The following TTC28 variants were observed in gnomAD, a reference collection of about 807,000 sequenced individuals.
TTC28 encodes the protein tetratricopeptide repeat domain 28.
Under a neutral mutation model 198.0 loss-of-function variants are expected in TTC28, and 61 were observed. The observed-to-expected ratio is 0.31, with a 90% confidence interval of 0.25 to 0.38. The LOEUF is 0.38. Among genes scored for constraint, TTC28 ranks in the 10% least tolerant of loss-of-function variants. The pLI is 1.00. For synonymous variants in TTC28, 1,171 were observed against 1,297.8 expected (o/e 0.90, Z 2.10); for missense variants, 2,678 against 3,164.0 (o/e 0.85, Z 3.69).
intron 2 of TTC28, among the ~76,000 whole-genome samples, chr22:28,472,123 C>T (rs2048103451): frequency 6.6e-6 from 1 of 152,080 alleles, no homozygotes; most frequent in African/African-American, 2.4e-5. Flanking sequence ...AACTAAGAAA[C>T]ACAAAAGAGC....
At chr22:28,611,495 C>CTTTTTT (rs373893099) in intron 2 of TTC28, among the ~76,000 whole-genome samples, 61,429 of 125,800 alleles carry the variant, frequency 0.49, 14,796 homozygotes, top group South Asian at 0.64. Context: ...AAATAAAAGC[C>CTTTTTT]TTTTTTTTAA....
intron 12 of TTC28, among the ~76,000 whole-genome samples, chr22:28,031,345 C>T (rs928806633): frequency 4.6e-5 from 7 of 152,176 alleles, no homozygotes; most frequent in African/African-American, 1.7e-4. Context: ...TGTGGAGATG[C>T]TTACTGATAC....
At chr22:28,269,351 T>C (rs1931900115) in intron 5 of TTC28, among the ~76,000 whole-genome samples, 19 of 152,154 alleles carry the variant, frequency 1.2e-4, no homozygotes, top group Admixed American at 1.2e-3. Flanking sequence ...ACTCTCTTTA[T>C]TTTACTTTTA....
chr22:28,360,906 G>T (rs572078377), intron 2 of TTC28, among the ~76,000 whole-genome samples: 2 of 152,018 alleles, frequency 1.3e-5, no homozygotes, highest in Non-Finnish European at 2.9e-5. Context: ...ATCTGTTATG[G>T]TGAACTACGA....
At chr22:28,381,650 T>C (rs574697038) in intron 2 of TTC28, among the ~76,000 whole-genome samples, 1 of 152,142 alleles carries the variant, frequency 6.6e-6, no homozygotes, top group Non-Finnish European at 1.5e-5. Context: ...GGTTTAAAAA[T>C]GTACTTTAAA....
chr22:28,271,773 T>C (rs1932091762), intron 5 of TTC28, among the ~76,000 whole-genome samples: 1 of 152,068 alleles, frequency 6.6e-6, no homozygotes, highest in Non-Finnish European at 1.5e-5. Context: ...TCCAGCTAAT[T>C]TTTGTATTTT....
In TTC28 at chr22:28,163,599, C is replaced by T. The variant is rs1278946607; in HGVS notation, c.934G>A (p.Ala312Thr). The T allele has an allele frequency of 6.6e-7, 1 of 1,522,880 alleles. No homozygotes were observed. Among genetic ancestry groups the T allele is most frequent in the Non-Finnish European group, 8.8e-7 (1 of 1,133,528 alleles). The allele number at this position is 1,522,880 out of a possible 1,614,324, so 94.3% of individuals were successfully genotyped here. The change falls in exon 6 of 23, where the codon GCA (alanine) becomes ACA (threonine). Residue 312 changes from alanine (A) to threonine (T), a missense_variant and splice_region_variant. By Grantham distance (58) the Ala-to-Thr change is moderately conservative (BLOSUM62 0). Transcript: ENST00000397906. Reference protein sequence around the residue: ...VLAMKLKDREAASSALSSLGH... With the variant: ...VLAMKLKDRETASSALSSLGH... Reference sequence around the variant, plus strand: ...AGACTGCTCAAGGCTGATGAAGCTGCCTGGAGAGAAAAGGATAAAGTGGAG... The same window carrying T: ...AGACTGCTCAAGGCTGATGAAGCTGTCTGGAGAGAAAAGGATAAAGTGGAG...
intron 2 of TTC28, among the ~76,000 whole-genome samples, chr22:28,476,930 C>A (rs1345692210): frequency 6.6e-6 from 1 of 152,018 alleles, no homozygotes; most frequent in African/African-American, 2.4e-5. Flanking sequence ...TAGTATGCAG[C>A]AATAAAAATA....
chr22:28,241,046 C>T (rs1336343721), intron 5 of TTC28, among the ~76,000 whole-genome samples: 1 of 152,038 alleles, frequency 6.6e-6, no homozygotes, highest in Non-Finnish European at 1.5e-5. Flanking sequence ...AATACCTCCC[C>T]ACAAATAACT....
chr22:28,101,335 C>T lies in TTC28; in HGVS notation c.3308-55G>A, dbSNP rs141231902. ...CATAGAAGATGGATAATTCCACTAT[C>T]CTAAGGAGTCCTGAAGGGTCATTTT... On this transcript the variant is annotated intron_variant, in intron 8 of 22. Coordinates refer to ENST00000397906, the MANE Select transcript of TTC28 (RefSeq NM_001145418.2). The T allele has an allele frequency of 2.6e-5, 36 of 1,369,124 alleles. No individual in the cohort carries two copies. In the African/African-American group the frequency reaches 4.3e-4, roughly 17 times the overall value. The allele number at this position is 1,369,124 out of a possible 1,614,324, so 84.8% of individuals were successfully genotyped here.
intron 2 of TTC28, among the ~76,000 whole-genome samples, chr22:28,558,264 G>T (rs546024262): frequency 6.6e-6 from 1 of 152,272 alleles, no homozygotes; most frequent in East Asian, 1.9e-4. Context: ...TAAGTAATTT[G>T]TTATTCAGAG....
intron 12 of TTC28, among the ~76,000 whole-genome samples, chr22:28,088,895 C>T (rs766605133): frequency 6.6e-6 from 1 of 152,148 alleles, no homozygotes; most frequent in Non-Finnish European, 1.5e-5. Context: ...TTTATGCAGC[C>T]AAAACACACG....
intron 2 of TTC28, among the ~76,000 whole-genome samples, chr22:28,383,697 G>A (rs73439808): frequency 1.2e-3 from 177 of 152,168 alleles, no homozygotes; most frequent in African/African-American, 4.0e-3. Context: ...TATCTAGAAC[G>A]CACCTTTTCA....
chr22:28,523,217 A>C (rs2048942563), intron 2 of TTC28, among the ~76,000 whole-genome samples: 1 of 152,246 alleles, frequency 6.6e-6, no homozygotes, highest in South Asian at 2.1e-4. Flanking sequence ...CATCAGTATC[A>C]AACTTTAACA....
intron 12 of TTC28, among the ~76,000 whole-genome samples, 181 bp downstream of exon 12, chr22:28,093,899 A>C (rs1432804356): frequency 6.6e-6 from 1 of 152,170 alleles, no homozygotes; most frequent in Non-Finnish European, 1.5e-5. Flanking sequence ...ATAAAGACAG[A>C]CCACTAAGGG....
At chr22:28,201,597 A>G (rs890482599) in intron 5 of TTC28, among the ~76,000 whole-genome samples, 1 of 152,114 alleles carries the variant, frequency 6.6e-6, no homozygotes, top group African/African-American at 2.4e-5. Context: ...ATGAAATGCA[A>G]CTTCAGTTGC....
intron 6 of TTC28, among the ~76,000 whole-genome samples, chr22:28,142,122 C>T (rs910593904): frequency 6.6e-6 from 1 of 152,178 alleles, no homozygotes; most frequent in East Asian, 1.9e-4. Flanking sequence ...AGACATTCTC[C>T]CTGGGAAGGT....
At chr22:28,558,612 T>C (rs1183663830) in intron 2 of TTC28, among the ~76,000 whole-genome samples, 2 of 151,602 alleles carry the variant, frequency 1.3e-5, no homozygotes, top group African/African-American at 4.9e-5. Context: ...GAGGCGGAGG[T>C]TGCAGTGAGC....
Position 28,450,945 on chromosome 22 carries a change from A to G in TTC28, c.382-144302T>C, listed in dbSNP as rs191757608. Among the ~76,000 whole-genome samples the G allele has an allele frequency of 2.0e-5, 3 of 152,230 alleles. No individual in the cohort carries two copies. In the East Asian group the frequency reaches 5.8e-4, roughly 29 times the overall value. On this transcript the variant is annotated intron_variant, in intron 2 of 22. Coordinates refer to ENST00000397906, the MANE Select transcript of TTC28 (RefSeq NM_001145418.2). ...GCACCTTCCAGACTACAGGGCAGGA[A>G]AGGGATCCCAAACAGAGCACGAGGA...
Sources: gnomAD v4.1 joint callset for allele counts (sites outside exome capture counted in the v4.1 genomes callset) on GRCh38, gnomAD v4.1.1 for gene constraint, MANE v1.5 for transcripts, NCBI Gene and HGNC (gene_info 2026-07-23, HGNC 2026-07-21) for gene names.